SSUH2: variants seen among roughly 807,000 people sequenced by gnomAD.
SSUH2 encodes ssu-2 homolog, also known as protein SSUH2 homolog.
Under a neutral mutation model 55.3 loss-of-function variants are expected in SSUH2, and 47 were observed. The observed-to-expected ratio is 0.85, with a 90% CI of 0.67 to 1.08. SSUH2 has a LOEUF of 1.08. Among genes scored for constraint, SSUH2 ranks in the 50% least tolerant of loss-of-function variants. SSUH2 has a pLI of 0.00. For missense variants in SSUH2, 535 were observed against 490.7 expected (o/e 1.09, Z -0.85); for synonymous variants, 212 against 191.5 (o/e 1.11, Z -0.89).
At chr3:8,660,895 T>C (rs1042354251) in intron 6 of SSUH2, among the ~76,000 whole-genome samples, 1 of 152,210 alleles carries the variant, frequency 6.6e-6, no homozygotes, top group Non-Finnish European at 1.5e-5. Context: ...TCTCCTGTCC[T>C]CAGTTTCCTG....
At chr3:8,639,474 G>A (rs181817440) in intron 1 of SSUH2, among the ~76,000 whole-genome samples, 4 of 152,316 alleles carry the variant, frequency 2.6e-5, no homozygotes, top group African/African-American at 9.6e-5. Context: ...CAAGCCCAGT[G>A]ACCTTTCTAC....
At chr3:8,647,514 T>C (rs1388594056), upstream of SSUH2, among the ~76,000 whole-genome samples, 1 of 152,140 alleles carries the variant, frequency 6.6e-6, no homozygotes, top group Non-Finnish European at 1.5e-5. Flanking sequence ...GCAGCCCCTT[T>C]CCAGAACATC....
chr3:8,639,983 C>T (rs1196646773), intron 1 of SSUH2: 7 of 985,338 alleles, frequency 7.1e-6, no homozygotes, highest in Non-Finnish European at 7.2e-6. Context: ...ACAAATGCCT[C>T]GTGATTTGAA....
chr3:8,662,605 G>T (rs1306867250), intron 6 of SSUH2, among the ~76,000 whole-genome samples: 1 of 152,228 alleles, frequency 6.6e-6, no homozygotes, highest in Non-Finnish European at 1.5e-5. Context: ...AACAAGGACA[G>T]ATATACAGAA....
chr3:8,675,602 G>GC (rs1553605446), intron 3 of SSUH2, among the ~76,000 whole-genome samples: 1 of 152,072 alleles, frequency 6.6e-6, no homozygotes, highest in South Asian at 2.1e-4. Flanking sequence ...GGATCAGAAA[G>GC]AAGCAGGTCA....
chr3:8,648,681 C>T (rs1214996433), upstream of SSUH2, among the ~76,000 whole-genome samples: 2 of 152,168 alleles, frequency 1.3e-5, no homozygotes, highest in Non-Finnish European at 2.9e-5. Context: ...TCCTCCAGGC[C>T]ACAGTGCCCC....
intron 1 of SSUH2, among the ~76,000 whole-genome samples, chr3:8,639,070 T>C (rs546870178): frequency 2.0e-5 from 3 of 152,300 alleles, no homozygotes; most frequent in South Asian, 2.1e-4. Flanking sequence ...TTCTGTTATG[T>C]ACAAAAATAA....
intron 1 of SSUH2, among the ~76,000 whole-genome samples, chr3:8,644,392 G>T (rs879285097): frequency 4.6e-5 from 7 of 152,188 alleles, no homozygotes; most frequent in Non-Finnish European, 8.8e-5. Context: ...GGTTTGCATG[G>T]TGTCACTGTG....
In SSUH2 at chr3:8,679,969, G is replaced by A. The variant is rs538890067; in HGVS notation, c.-1045-120C>T. On this transcript the variant is annotated intron_variant, in intron 1 of 18. Coordinates refer to the SSUH2 transcript ENST00000317371. ...TGAGGTCACAAAGGGGGCGGGGACCGGGAACCTTTGCAAGGGGGATCCCAA... is the reference window on the plus strand; with the variant it reads ...TGAGGTCACAAAGGGGGCGGGGACCAGGAACCTTTGCAAGGGGGATCCCAA... 480 of 152,260 alleles carry A rather than the reference G, an allele frequency of 3.2e-3. 3 individuals carry two copies. Among genetic ancestry groups the A allele is most frequent in the Non-Finnish European group, 5.2e-3 (351 of 68,046 alleles). The allele number at this position is 152,260 out of a possible 1,614,324, so 9.4% of individuals were successfully genotyped here.
intron 1 of SSUH2, among the ~76,000 whole-genome samples, chr3:8,636,342 A>G (rs549659654): frequency 5.9e-5 from 9 of 152,236 alleles, no homozygotes; most frequent in South Asian, 4.2e-4. Context: ...GACTACATGG[A>G]AGGAGGTCCA....
chr3:8,641,890 G>A (rs79257915), intron 1 of SSUH2, among the ~76,000 whole-genome samples: 90 of 152,276 alleles, frequency 5.9e-4, no homozygotes, highest in African/African-American at 2.1e-3. Flanking sequence ...AGACTTCTGG[G>A]AGCAGAGCTG....
At chr3:8,673,707 G>C (rs1406957720) in intron 3 of SSUH2, among the ~76,000 whole-genome samples, 1 of 152,176 alleles carries the variant, frequency 6.6e-6, no homozygotes, top group Non-Finnish European at 1.5e-5. Context: ...CAGACCAGCT[G>C]ATTATCAAAA....
chr3:8,625,763 C>A, intron 9 of SSUH2, 116 bp from the exon 10 acceptor site: 1 of 681,992 alleles, frequency 1.5e-6, no homozygotes, highest in Non-Finnish European at 2.6e-6. Flanking sequence ...AGGGACCTTG[C>A]AACAGTTCTG....
Position 8,632,117 on chromosome 3 carries a change from G to C in SSUH2, c.340-8C>G. ...AAAGGTCTCCAGACGGTACTAAAAG[G>C]AAAAAAACAGCATGTTCACACTCGT... On this transcript the variant is annotated splice_polypyrimidine_tract_variant and splice_region_variant and intron_variant, in intron 4 of 11. Transcript: ENST00000544814. 6.2e-7 allele frequency: 1 copy of C among 1,612,572 alleles called. No individual in the cohort carries two copies. The highest frequency in any genetic ancestry group is 8.5e-7 in the Non-Finnish European group (1 of 1,178,830).
intron 5 of SSUH2, among the ~76,000 whole-genome samples, chr3:8,670,487 T>C (rs73017945): frequency 0.06 from 9,108 of 151,862 alleles, 298 homozygotes; most frequent in Middle Eastern, 0.088. Flanking sequence ...CCATGTGACA[T>C]TAGGGAGAGC....
upstream of SSUH2, among the ~76,000 whole-genome samples, chr3:8,647,708 C>T (rs1000484902): frequency 1.3e-5 from 2 of 152,226 alleles, no homozygotes; most frequent in Non-Finnish European, 2.9e-5. Flanking sequence ...CCTGCACATC[C>T]ACCAGGAACC....
At chr3:8,623,389 C>T (rs1340882049) in intron 11 of SSUH2, 160 bp downstream of exon 11, 4 of 585,350 alleles carry the variant, frequency 6.8e-6, no homozygotes, top group Non-Finnish European at 1.2e-5. Context: ...TGCTCCATGC[C>T]CTGGGGCCTT....
chr3:8,623,465 T>C (rs528583228), intron 11 of SSUH2, 84 bp downstream of exon 11: 59 of 880,558 alleles, frequency 6.7e-5, no homozygotes, highest in Non-Finnish European at 1.0e-4. Context: ...GTCCTCATCC[T>C]TCCGCTCCGA....
At chr3:8,658,201 G>GT (rs2125352016) in intron 7 of SSUH2, among the ~76,000 whole-genome samples, 1 of 152,378 alleles carries the variant, frequency 6.6e-6, no homozygotes, top group Non-Finnish European at 1.5e-5. Context: ...TGTGTAAGCA[G>GT]TTAGCGGAGT....
Sources: allele counts gnomAD v4.1 joint callset (sites outside exome capture counted in the v4.1 genomes callset), GRCh38; gene constraint gnomAD v4.1.1; transcripts MANE v1.5; gene names NCBI Gene and HGNC (gene_info 2026-07-23, HGNC 2026-07-21).